NDST4: variants seen among roughly 807,000 people sequenced by gnomAD.
The protein encoded by NDST4 is N-deacetylase and N-sulfotransferase 4.
Under a neutral mutation model 100.8 loss-of-function variants are expected in NDST4, and 63 were observed. That is an observed-to-expected ratio of 0.62 (90% CI 0.51 to 0.77). The LOEUF (loss-of-function observed/expected upper bound fraction) is 0.77. Ranked by LOEUF, NDST4 falls within the 30% of genes least tolerant of loss-of-function variation. NDST4 has a pLI of 0.00. For missense variants in NDST4, 943 were observed against 1,018.4 expected (o/e 0.93, Z 1.01); for synonymous variants, 377 against 361.8 (o/e 1.04, Z -0.48).
intron 2 of NDST4, among the ~76,000 whole-genome samples, chr4:115,010,788 C>G (rs1223671239): frequency 1.3e-5 from 2 of 151,962 alleles, no homozygotes; most frequent in Non-Finnish European, 2.9e-5. Flanking sequence ...AGACAATCAC[C>G]AGATATATTC....
At chr4:115,044,673 C>T (rs567948057) in intron 2 of NDST4, among the ~76,000 whole-genome samples, 4 of 146,314 alleles carry the variant, frequency 2.7e-5, no homozygotes, top group African/African-American at 1.0e-4. Context: ...GGAAACAAGA[C>T]ACCATGAGTA....
chr4:115,000,939 T>A (rs1727277393), intron 2 of NDST4, among the ~76,000 whole-genome samples: 1 of 152,136 alleles, frequency 6.6e-6, no homozygotes, highest in South Asian at 2.1e-4. Context: ...GCATCTTCTA[T>A]GTGTGGCCTC....
rs1578382211 is a variant in NDST4, at chr4:114,909,757, G to A, written c.1536+25449C>T. The stretch of plus-strand genomic sequence containing the variant: ...GGGATTTATAAATTAAGATATCATC[G>A]GTTTCCTTGGGCAAACACTTATTGG... On this transcript the variant is annotated intron_variant, in intron 6 of 13. Transcript: ENST00000264363. Among the ~76,000 whole-genome samples, 4 of 150,984 alleles carry A rather than the reference G, an allele frequency of 2.6e-5. No individual in the cohort carries two copies. In the East Asian group the frequency reaches 7.8e-4, roughly 29 times the overall value.
chr4:114,838,585 G>A (rs1031121794), intron 11 of NDST4, among the ~76,000 whole-genome samples: 2 of 152,000 alleles, frequency 1.3e-5, no homozygotes, highest in Non-Finnish European at 2.9e-5. Flanking sequence ...ACCAAATTCC[G>A]CATGTTCTCA....
At chr4:114,948,054 T>A (rs2126230877) in intron 4 of NDST4, among the ~76,000 whole-genome samples, 1 of 152,226 alleles carries the variant, frequency 6.6e-6, no homozygotes, top group East Asian at 1.9e-4. Flanking sequence ...GCTGATGGGT[T>A]AGAATCATTA....
chr4:115,006,912 C>T (rs555485905), intron 2 of NDST4, among the ~76,000 whole-genome samples: 7 of 151,760 alleles, frequency 4.6e-5, no homozygotes, highest in Middle Eastern at 3.4e-3. Flanking sequence ...AGAAAAATTG[C>T]GATAATAATA....
At chr4:114,932,452 C>T (rs916117973) in intron 6 of NDST4, among the ~76,000 whole-genome samples, 7 of 151,832 alleles carry the variant, frequency 4.6e-5, no homozygotes, top group African/African-American at 1.2e-4. Flanking sequence ...AGGATGTTCA[C>T]CCTAACTGCT....
At chr4:115,105,943 G>T (rs1008504239) in intron 1 of NDST4, among the ~76,000 whole-genome samples, 1 of 151,950 alleles carries the variant, frequency 6.6e-6, no homozygotes, top group African/African-American at 2.4e-5. Context: ...ATATAGCATA[G>T]TTGCCAGATG....
At chr4:115,047,321 T>C (rs1047086253) in intron 2 of NDST4, among the ~76,000 whole-genome samples, 64 of 152,160 alleles carry the variant, frequency 4.2e-4, no homozygotes, top group Non-Finnish European at 7.5e-4. Flanking sequence ...AATTTTTGAG[T>C]TTTTACAATA....
intron 1 of NDST4, among the ~76,000 whole-genome samples, chr4:115,078,337 G>A (rs1483826018): frequency 6.6e-6 from 1 of 152,072 alleles, no homozygotes; most frequent in Non-Finnish European, 1.5e-5. Flanking sequence ...GGAAGATGAG[G>A]ATATGTTTGG....
At chr4:114,934,553 C>CA (rs60204040) in intron 6 of NDST4, among the ~76,000 whole-genome samples, 4,617 of 117,240 alleles carry the variant, frequency 0.039, 110 homozygotes, top group African/African-American at 0.074. Flanking sequence ...GACTGCCTCT[C>CA]AAAAAAAAAA....
intron 1 of NDST4, among the ~76,000 whole-genome samples, chr4:115,111,992 T>C (rs1729962637): frequency 6.6e-6 from 1 of 151,800 alleles, no homozygotes; most frequent in African/African-American, 2.4e-5. Flanking sequence ...ATATTTTGCT[T>C]ATTAATTAGT....
chr4:114,856,814 A>T (rs745587105), intron 7 of NDST4, among the ~76,000 whole-genome samples: 14 of 152,222 alleles, frequency 9.2e-5, no homozygotes, highest in Non-Finnish European at 2.1e-4. Context: ...GAAGACAAGC[A>T]TACAAAGTTT....
At chr4:114,925,854 C>T (rs995716346) in intron 6 of NDST4, among the ~76,000 whole-genome samples, 2 of 152,118 alleles carry the variant, frequency 1.3e-5, no homozygotes, top group African/African-American at 4.8e-5. Context: ...TAATGTTGCT[C>T]TTTGTGTAGC....
At chr4:114,929,751 T>C (rs983714812) in intron 6 of NDST4, among the ~76,000 whole-genome samples, 3 of 152,240 alleles carry the variant, frequency 2.0e-5, no homozygotes, top group African/African-American at 7.2e-5. Context: ...TTTTATGTTA[T>C]TTAAAATCCT....
intron 1 of NDST4, among the ~76,000 whole-genome samples, chr4:115,109,435 C>T (rs1249235036): frequency 6.6e-6 from 1 of 151,896 alleles, no homozygotes; most frequent in Non-Finnish European, 1.5e-5. Context: ...ACATAAAACT[C>T]ATGTGTTTAT....
intron 10 of NDST4, among the ~76,000 whole-genome samples, chr4:114,839,969 T>C (rs1723391543): frequency 6.6e-6 from 1 of 152,130 alleles, no homozygotes; most frequent in Non-Finnish European, 1.5e-5. Context: ...TAATGAAAAA[T>C]TTAGATTTTG....
chr4:114,982,647 T>C (rs1365768525), intron 2 of NDST4, among the ~76,000 whole-genome samples: 1 of 152,092 alleles, frequency 6.6e-6, no homozygotes, highest in South Asian at 2.1e-4. Flanking sequence ...CCTGACCATA[T>C]GGTAGAAAAG....
chr4:114,933,436 T>TTTTTTTTTTTTTTTCC (rs1560819210), intron 6 of NDST4, among the ~76,000 whole-genome samples: 9 of 135,816 alleles, frequency 6.6e-5, no homozygotes, highest in East Asian at 2.0e-4. Flanking sequence ...CTTTTCCTTT[T>TTTTTTTTTTTTTTTCC]TTTTTTTTTT....
Sources: allele counts gnomAD v4.1 joint callset (sites outside exome capture counted in the v4.1 genomes callset), GRCh38; gene constraint gnomAD v4.1.1; transcripts MANE v1.5; gene names NCBI Gene and HGNC (gene_info 2026-07-23, HGNC 2026-07-21).